The following LARGE1 variants were observed in gnomAD, a reference collection of about 807,000 sequenced individuals.
LARGE1 encodes the protein xylosyl- and glucuronyltransferase LARGE1.
LARGE1 carries 43 observed loss-of-function variants against 87.6 expected under a neutral mutation model. The observed-to-expected ratio is 0.49, with a 90% CI of 0.38 to 0.63. LARGE1 has a LOEUF of 0.63. Ranked by LOEUF, LARGE1 falls within the 30% of genes least tolerant of loss-of-function variation. LARGE1 has a pLI of 0.00. For missense variants in LARGE1, 802 were observed against 1,000.2 expected, an observed-to-expected ratio of 0.80 and a Z score of 2.67; for synonymous variants, 434 against 394.6, an observed-to-expected ratio of 1.10 and a Z score of -1.18.
the LARGE1 span, among the ~76,000 whole-genome samples, chr22:33,102,455 GC>G: frequency 6.6e-6 from 1 of 151,570 alleles, no homozygotes. Flanking sequence ...ACAGGTATGA[GC>G]CACTGCACCT....
rs140707169 is a variant in LARGE1, at chr22:33,811,945, G to A, written c.-82-50387C>T. On this transcript the variant is annotated intron_variant, in intron 1 of 14. Coordinates refer to ENST00000397394, the MANE Select transcript of LARGE1 (RefSeq NM_133642.5). ...CAGAACACAGGAAATGGGCTGACCCGGGCTTAGCGCTCAATTGCATGACCT... is the reference window on the plus strand; with the variant it reads ...CAGAACACAGGAAATGGGCTGACCCAGGCTTAGCGCTCAATTGCATGACCT... Among the ~76,000 whole-genome samples the A allele has an allele frequency of 2.4e-4, 37 of 152,330 alleles. 1 individual carries two copies. The highest frequency in any genetic ancestry group is 1.0e-3 in the Admixed American group (16 of 15,304).
chr22:33,251,576 T>C (rs1232926158), intron 11 of LARGE1, among the ~76,000 whole-genome samples: 2 of 152,234 alleles, frequency 1.3e-5, no homozygotes, highest in South Asian at 2.1e-4. Flanking sequence ...AACTTATCAA[T>C]AGCAACTCTT....
intron 11 of LARGE1, among the ~76,000 whole-genome samples, chr22:33,230,024 T>C (rs1925928255): frequency 7.1e-6 from 1 of 141,566 alleles, no homozygotes; most frequent in South Asian, 2.3e-4. Flanking sequence ...TTTTTTTTTT[T>C]TTTTTTGAGA....
intron 6 of LARGE1, among the ~76,000 whole-genome samples, chr22:33,515,360 C>T (rs2148469163): frequency 6.6e-6 from 1 of 152,222 alleles, no homozygotes; most frequent in Middle Eastern, 3.4e-3. Context: ...CAAATCTATC[C>T]ATGACAAACT....
rs539349619 is a variant in LARGE1, at chr22:33,668,672, G to A, written c.107-18004C>T. Among the ~76,000 whole-genome samples, 11 of 152,260 alleles carry A rather than the reference G, an allele frequency of 7.2e-5. No individual in the cohort carries two copies. The East Asian group carries it at 2.1e-3, about 29-fold the overall frequency. On this transcript the variant is annotated intron_variant, in intron 2 of 14. Transcript: ENST00000397394. ...CATTGATGCAGGTACGGAAGAGAGA[G>A]TGATTGTGCCCACTCTACATAAGGC... is the stretch of plus-strand genomic sequence containing the variant.
chr22:33,395,407 T>C (rs951859409), intron 7 of LARGE1, among the ~76,000 whole-genome samples: 3 of 152,106 alleles, frequency 2.0e-5, no homozygotes, highest in Non-Finnish European at 4.4e-5. Flanking sequence ...ATGTCAACTT[T>C]CCCTCCTGCA....
intron 12 of LARGE1, among the ~76,000 whole-genome samples, chr22:33,293,489 C>A (rs1007847293): frequency 1.7e-4 from 26 of 152,118 alleles, no homozygotes; most frequent in African/African-American, 6.3e-4. Flanking sequence ...CAGGAAAGAT[C>A]AATAACCACA....
rs771975864 is a variant in LARGE1 at position 33,575,114 on chromosome 22, C to T, written c.616-10095G>A. ...AATCCGTATTTTAAAACCAGCACCC[C>T]GGGTGATTCAAAAGCAAGTCTCCAT... On this transcript the variant is annotated intron_variant, in intron 5 of 14. Coordinates refer to ENST00000397394, the MANE Select transcript of LARGE1 (RefSeq NM_133642.5). Among the ~76,000 whole-genome samples, 4 of 151,990 alleles carry T rather than the reference C, an allele frequency of 2.6e-5. No individual in the cohort carries two copies. In the South Asian group the frequency reaches 6.2e-4, roughly 24 times the overall value.
At chr22:33,209,377 T>C (rs371435008) in intron 11 of LARGE1, among the ~76,000 whole-genome samples, 1 of 152,344 alleles carries the variant, frequency 6.6e-6, no homozygotes, top group South Asian at 2.1e-4. Context: ...AGTGATAGTA[T>C]ATTATGAGAC....
chr22:33,760,844 C>T (rs973224992), intron 2 of LARGE1, among the ~76,000 whole-genome samples: 1 of 151,888 alleles, frequency 6.6e-6, no homozygotes, highest in Non-Finnish European at 1.5e-5. Flanking sequence ...CACTTGAACT[C>T]GGGAGGCAGG....
intron 1 of LARGE1, among the ~76,000 whole-genome samples, chr22:33,893,428 T>C (rs951517519): frequency 6.6e-6 from 1 of 152,128 alleles, no homozygotes; most frequent in African/African-American, 2.4e-5. Context: ...TATTGAGAGT[T>C]CTCTATGCCT....
At chr22:33,274,759 GCA>G in intron 14 of LARGE1, 135 bp from the exon 15 acceptor site, 1 of 792,934 alleles carries the variant, frequency 1.3e-6, no homozygotes. Flanking sequence ...GCAAAGGACA[GCA>G]CAACAGCTTT....
intron 2 of LARGE1, among the ~76,000 whole-genome samples, chr22:33,751,443 C>T (rs7285381): frequency 0.17 from 25,379 of 151,494 alleles, 3,820 homozygotes; most frequent in African/African-American, 0.41. Context: ...AAAGATTGTG[C>T]CACTGCGCTC....
At chr22:33,673,737 G>A (rs1034905821) in intron 2 of LARGE1, among the ~76,000 whole-genome samples, 1 of 151,860 alleles carries the variant, frequency 6.6e-6, no homozygotes, top group Non-Finnish European at 1.5e-5. Context: ...TTGCTCTGTC[G>A]CCCAGGCTGG....
chr22:33,801,513 A>G (rs1013097793), intron 1 of LARGE1, among the ~76,000 whole-genome samples: 4 of 152,018 alleles, frequency 2.6e-5, no homozygotes, highest in African/African-American at 9.7e-5. Context: ...CCTTGGTGAC[A>G]TGTCTAAGTC....
chr22:33,791,952 T>C (rs954101205), intron 1 of LARGE1, among the ~76,000 whole-genome samples: 2 of 152,250 alleles, frequency 1.3e-5, no homozygotes, highest in Non-Finnish European at 2.9e-5. Context: ...CCTCGTTTAC[T>C]ACTCACAACA....
Position 33,650,431 on chromosome 22 carries a change from C to G in LARGE1, c.344G>C (p.Arg115Pro). 1 of 1,614,158 alleles carries G rather than the reference C, an allele frequency of 6.2e-7. No homozygotes were observed. Among genetic ancestry groups the G allele is most frequent in the Non-Finnish European group, 8.5e-7 (1 of 1,180,046 alleles). ...EEGTGDSENL[R>P]AGIVAGNSSE... Reference sequence around the variant, plus strand: ...GCTGTTGCCTGCCACGATGCCAGCCCGAAGGTTCTCGCTGTCTCCAGTGCC... The same window carrying G: ...GCTGTTGCCTGCCACGATGCCAGCCGGAAGGTTCTCGCTGTCTCCAGTGCC... The change falls in exon 3 of 15, where the codon CGG (arginine) becomes CCG (proline). Residue 115 changes from arginine (R) to proline (P), a missense_variant. By Grantham distance (103) the Arg-to-Pro change is moderately radical. This residue lies in a region of LARGE1 where 177 missense variants were observed against 158.3 expected (regional missense o/e 1.12). Coordinates refer to ENST00000397394, the MANE Select transcript of LARGE1 (RefSeq NM_133642.5).
intron 1 of LARGE1, among the ~76,000 whole-genome samples, chr22:33,833,082 G>A (rs546583379): frequency 5.3e-5 from 8 of 152,284 alleles, no homozygotes; most frequent in Non-Finnish European, 1.0e-4. Context: ...AGAACCCCAA[G>A]AGCACTGTGC....
intron 4 of LARGE1, among the ~76,000 whole-genome samples, chr22:33,623,710 A>G (rs2079827872): frequency 6.6e-6 from 1 of 151,948 alleles, no homozygotes; most frequent in Non-Finnish European, 1.5e-5. Context: ...TGATTTAAAA[A>G]AAAAAAAAAA....
Sources: gnomAD v4.1 joint callset for allele counts (sites outside exome capture counted in the v4.1 genomes callset) on GRCh38, gnomAD v4.1.1 for gene constraint, gnomAD v4.1.1 regional missense constraint, MANE v1.5 for transcripts, NCBI Gene and HGNC (gene_info 2026-07-23, HGNC 2026-07-21) for gene names.